The following KCNK2 variants were observed in gnomAD, a reference collection of about 807,000 sequenced individuals.
KCNK2 encodes potassium channel subfamily K member 2.
In KCNK2, 21 loss-of-function variants were observed where a neutral mutation model predicts 40.5. That is an observed-to-expected ratio of 0.52 (90% confidence interval 0.37 to 0.75). The LOEUF (loss-of-function observed/expected upper bound fraction) is 0.75. Among genes scored for constraint, KCNK2 ranks in the 30% least tolerant of loss-of-function variants. The probability of loss-of-function intolerance (pLI) is 0.00; values close to 1 mark genes in which losing one functional copy is unlikely to be tolerated. For synonymous variants in KCNK2, 191 were observed against 202.2 expected (o/e 0.94, Z 0.47); for missense variants, 399 against 531.6 (o/e 0.75, Z 2.45).
intron 2 of KCNK2, among the ~76,000 whole-genome samples, chr1:215,109,627 G>C (rs1660592210): frequency 6.6e-6 from 1 of 151,776 alleles, no homozygotes; most frequent in South Asian, 2.1e-4. Flanking sequence ...ATCTATTGTT[G>C]GGCACTTAGG....
In KCNK2 at chr1:215,236,604, G is replaced by GA. The variant is rs1313080554; in HGVS notation, c.*1465dup. The GA allele has an allele frequency of 6.6e-6, 1 of 152,210 alleles. No individual in the cohort carries two copies. The highest frequency in any genetic ancestry group is 1.5e-5 in the Non-Finnish European group (1 of 67,970). The allele number at this position is 152,210 out of a possible 1,614,324, so 9.4% of individuals were successfully genotyped here. A position where few individuals can be genotyped will look rare whatever the true frequency, so the allele number is the denominator to read the frequency against. ...ATTCTTTGGATGGTTCCAAGATTCA[G>GA]AAAAAATTCAGTAAATGCACCCCGT... On this transcript the variant is annotated 3_prime_UTR_variant, in exon 7 of 7. Transcript: ENST00000444842.
At chr1:215,028,856 C>T (rs1657086311) in intron 1 of KCNK2, among the ~76,000 whole-genome samples, 1 of 152,008 alleles carries the variant, frequency 6.6e-6, no homozygotes. Context: ...ATAGACAGAT[C>T]TTGCTGTGTT....
rs34028242 is a variant in KCNK2, at chr1:215,012,646, G to GT, written c.34+6709dup. 4.0e-3 allele frequency among the ~76,000 whole-genome samples: 488 copies of GT among 121,730 alleles called. 1 individual carries two copies. Among genetic ancestry groups the GT allele is most frequent in the Non-Finnish European group, 6.1e-3 (347 of 56,544 alleles). The allele number at this position is 121,730 out of a possible 152,430, so 79.9% of individuals were successfully genotyped here. On this transcript the variant is annotated intron_variant, in intron 1 of 6. Coordinates refer to the KCNK2 transcript ENST00000391895. ...ACCACCACACCCAGCTAATTTTTTA[G>GT]TTTTTTTTTTTTTTTTTTCTGTAGA...
rs560667600 is a variant in KCNK2 at position 215,044,471 on chromosome 1, TGTTA to T, written c.34+38520_34+38523del. Among the ~76,000 whole-genome samples, 431 of 152,296 alleles carry T rather than the reference TGTTA, an allele frequency of 2.8e-3. 5 individuals are homozygous for T. The highest frequency in any genetic ancestry group is 1.0e-2 in the African/African-American group (415 of 41,558). Reference sequence around the variant, plus strand: ...TTTTGAGTCAGCACCTGGATTTGCATGTTAGTTCTCTGTGTCTCTTGATTTTCTC... The same window carrying T: ...TTTTGAGTCAGCACCTGGATTTGCATGTTCTCTGTGTCTCTTGATTTTCTC... On this transcript the variant is annotated intron_variant, in intron 1 of 6. Transcript: ENST00000391895.
At chr1:215,031,852 T>A (rs917044039) in intron 1 of KCNK2, among the ~76,000 whole-genome samples, 8 of 152,192 alleles carry the variant, frequency 5.3e-5, no homozygotes, top group African/African-American at 1.9e-4. Flanking sequence ...TATTTTACTT[T>A]TTAAAATGCT....
At chr1:215,160,006 T>TA (rs1331119008) in intron 3 of KCNK2, among the ~76,000 whole-genome samples, 1 of 152,088 alleles carries the variant, frequency 6.6e-6, no homozygotes. Flanking sequence ...TTCAAAAACA[T>TA]AAAAATCACA....
intron 1 of KCNK2, among the ~76,000 whole-genome samples, chr1:215,034,663 T>C (rs1027818900): frequency 2.6e-4 from 39 of 152,122 alleles, no homozygotes; most frequent in African/African-American, 9.4e-4. Flanking sequence ...ATTTCCTTCC[T>C]CCACTGAAAT....
At chr1:215,151,340 T>C (rs1303360271) in intron 3 of KCNK2, among the ~76,000 whole-genome samples, 1 of 152,132 alleles carries the variant, frequency 6.6e-6, no homozygotes, top group Non-Finnish European at 1.5e-5. Flanking sequence ...TGGTAGAATC[T>C]GATGCCTGCA....
At chr1:215,196,661 C>T (rs1237376596) in intron 6 of KCNK2, among the ~76,000 whole-genome samples, 1 of 151,782 alleles carries the variant, frequency 6.6e-6, no homozygotes, top group Non-Finnish European at 1.5e-5. Context: ...ACCTTAGGCT[C>T]ATTGTATGTG....
intron 1 of KCNK2, among the ~76,000 whole-genome samples, chr1:215,046,991 A>G (rs1657792987): frequency 6.6e-6 from 1 of 152,114 alleles, no homozygotes; most frequent in Admixed American, 6.5e-5. Context: ...ACTATCTAAG[A>G]TGATCAAGTC....
intron 1 of KCNK2, among the ~76,000 whole-genome samples, chr1:215,008,434 A>G (rs1656262765): frequency 6.6e-6 from 1 of 152,110 alleles, no homozygotes; most frequent in Non-Finnish European, 1.5e-5. Context: ...GCAAGGAGGA[A>G]AAAACAAGTA....
chr1:215,216,669 A>G (rs1301217185), intron 6 of KCNK2, among the ~76,000 whole-genome samples: 2 of 138,124 alleles, frequency 1.4e-5, no homozygotes, highest in East Asian at 4.1e-4. Context: ...TTAATAATAT[A>G]TTGTATTTAA....
At chr1:215,190,436 C>A (rs2102659119) in intron 5 of KCNK2, among the ~76,000 whole-genome samples, 1 of 152,276 alleles carries the variant, frequency 6.6e-6, no homozygotes, top group South Asian at 2.1e-4. Flanking sequence ...TAGGTGACAT[C>A]ATAGGTGACG....
chr1:215,131,371 T>C (rs1051816726), intron 3 of KCNK2, among the ~76,000 whole-genome samples: 5 of 147,162 alleles, frequency 3.4e-5, no homozygotes, highest in African/African-American at 1.2e-4. Flanking sequence ...ATATTACATA[T>C]TAATTTTATT....
chr1:215,063,913 G>A (rs1658447205), intron 1 of KCNK2, among the ~76,000 whole-genome samples: 1 of 152,174 alleles, frequency 6.6e-6, no homozygotes, highest in Non-Finnish European at 1.5e-5. Flanking sequence ...CAGCTGGTTA[G>A]ATTTGTAAAG....
chr1:215,234,794 A>G lies in KCNK2; in HGVS notation c.964-34A>G, dbSNP rs749817683. Reference sequence around the variant, plus strand: ...ATAGAAAATGTTGATCGGCATGTCAATATCTTTATCTTTTCTCTGCTTGTA... The same window carrying G: ...ATAGAAAATGTTGATCGGCATGTCAGTATCTTTATCTTTTCTCTGCTTGTA... On this transcript the variant is annotated intron_variant, in intron 6 of 6. Transcript: ENST00000444842. 11 of 1,552,760 alleles carry G rather than the reference A, an allele frequency of 7.1e-6. 1 individual carries two copies. The highest frequency in any genetic ancestry group is 1.7e-4 in the Middle Eastern group (1 of 5,768).
intron 1 of KCNK2, among the ~76,000 whole-genome samples, chr1:215,065,629 A>C (rs1053606919): frequency 1.6e-4 from 24 of 152,188 alleles, no homozygotes; most frequent in Non-Finnish European, 1.5e-5. Context: ...TGTGAAGGCA[A>C]ACGATTTTAG....
intron 6 of KCNK2, among the ~76,000 whole-genome samples, chr1:215,197,402 T>G (rs1571718274): frequency 6.6e-6 from 1 of 152,130 alleles, no homozygotes; most frequent in Non-Finnish European, 1.5e-5. Context: ...TTGCGGGTGG[T>G]GCCTTCCCAC....
At chr1:215,143,211 G>C (rs1306523010) in intron 3 of KCNK2, among the ~76,000 whole-genome samples, 1 of 152,110 alleles carries the variant, frequency 6.6e-6, no homozygotes, top group African/African-American at 2.4e-5. Context: ...TGCTATGCGT[G>C]TGTGTGTCTG....
Sources: allele counts gnomAD v4.1 joint callset (sites outside exome capture counted in the v4.1 genomes callset), GRCh38; gene constraint gnomAD v4.1.1; transcripts MANE v1.5; gene names NCBI Gene and HGNC (gene_info 2026-07-23, HGNC 2026-07-21).